AKR1C8: variants seen among roughly 807,000 people sequenced by gnomAD.
AKR1C8 encodes the protein aldo-keto reductase family 1 member C8.
At chr10:5,176,403 A>C in the AKR1C8 span, among the ~76,000 whole-genome samples, 1 of 145,010 alleles carries the variant, frequency 6.9e-6, no homozygotes, top group East Asian at 1.9e-4. Flanking sequence ...GTTTGAAGTC[A>C]GGTAGTGTGA....
At chr10:5,176,839 A>G in the AKR1C8 span, among the ~76,000 whole-genome samples, 1 of 152,136 alleles carries the variant, frequency 6.6e-6, no homozygotes, top group Non-Finnish European at 1.5e-5. Context: ...GTATCCTGAG[A>G]CTTTGCTGAA....
chr10:5,119,214 A>G, the AKR1C8 span, among the ~76,000 whole-genome samples: 23 of 152,354 alleles, frequency 1.5e-4, no homozygotes, highest in Admixed American at 1.3e-3. Flanking sequence ...AGATGAATAA[A>G]TGAATGAATG....
the AKR1C8 span, among the ~76,000 whole-genome samples, chr10:5,169,988 C>T: frequency 1.6e-4 from 24 of 151,868 alleles, no homozygotes; most frequent in Non-Finnish European, 1.5e-4. Flanking sequence ...GGTTTTGACT[C>T]GAGTGTGATG....
At chr10:5,141,701 A>G in the AKR1C8 span, among the ~76,000 whole-genome samples, 1 of 152,172 alleles carries the variant, frequency 6.6e-6, no homozygotes, top group Non-Finnish European at 1.5e-5. Flanking sequence ...TTGCCATTCA[A>G]CAGTAATATT....
At chr10:5,164,726 C>A in the AKR1C8 span, among the ~76,000 whole-genome samples, 1 of 152,034 alleles carries the variant, frequency 6.6e-6, no homozygotes, top group Admixed American at 6.6e-5. Flanking sequence ...AGTTTTCTTT[C>A]ATGGAAGACC....
chr10:5,146,478 A>G, the AKR1C8 span, among the ~76,000 whole-genome samples: 4 of 152,148 alleles, frequency 2.6e-5, no homozygotes, highest in African/African-American at 9.7e-5. Context: ...ATGACCTAAG[A>G]GCTTCTAGAT....
At chr10:5,161,054 T>C in the AKR1C8 span, among the ~76,000 whole-genome samples, 220 of 152,260 alleles carry the variant, frequency 1.4e-3, no homozygotes, top group Middle Eastern at 0.017. Context: ...TGCATGTGTG[T>C]ATATATATGT....
the AKR1C8 span, among the ~76,000 whole-genome samples, chr10:5,125,535 C>A: frequency 3.6e-4 from 55 of 152,194 alleles, 1 homozygote; most frequent in South Asian, 0.011. Flanking sequence ...GGAAACCAAC[C>A]AACACAGTTC....
At chr10:5,181,560 A>G in the AKR1C8 span, among the ~76,000 whole-genome samples, 1 of 152,184 alleles carries the variant, frequency 6.6e-6, no homozygotes, top group Non-Finnish European at 1.5e-5. Context: ...AACAACCCCA[A>G]AAAAGTGAAC....
the AKR1C8 span, among the ~76,000 whole-genome samples, chr10:5,148,373 A>T: frequency 6.6e-6 from 1 of 152,298 alleles, no homozygotes; most frequent in South Asian, 2.1e-4. Flanking sequence ...ATTGTAAACC[A>T]AAAAGTAACC....
the AKR1C8 span, among the ~76,000 whole-genome samples, chr10:5,156,554 A>ATCTATCTT: frequency 6.6e-6 from 1 of 151,754 alleles, no homozygotes; most frequent in Non-Finnish European, 1.5e-5. Context: ...CTATCTATCT[A>ATCTATCTT]ATGTATTTAT....
At chr10:5,177,783 T>A in the AKR1C8 span, among the ~76,000 whole-genome samples, 1 of 152,198 alleles carries the variant, frequency 6.6e-6, no homozygotes. Context: ...GTTTGTAGTA[T>A]TCTCTGATGG....
At chr10:5,165,053 C>A in the AKR1C8 span, among the ~76,000 whole-genome samples, 1 of 152,054 alleles carries the variant, frequency 6.6e-6, no homozygotes, top group Non-Finnish European at 1.5e-5. Flanking sequence ...TTGTGATTCC[C>A]TAGAAACAAG....
the AKR1C8 span, among the ~76,000 whole-genome samples, chr10:5,146,941 T>A: frequency 6.6e-6 from 1 of 152,166 alleles, no homozygotes; most frequent in Admixed American, 6.5e-5. Context: ...TTAGATACTG[T>A]CTTAGTACAT....
the AKR1C8 span, among the ~76,000 whole-genome samples, chr10:5,167,863 T>C: frequency 1.4e-4 from 21 of 152,224 alleles, 1 homozygote; most frequent in East Asian, 2.5e-3. Context: ...AGCTAGACCT[T>C]CTTTCAGTTA....
At chr10:5,160,630 A>G in the AKR1C8 span, among the ~76,000 whole-genome samples, 1 of 152,176 alleles carries the variant, frequency 6.6e-6, no homozygotes, top group Non-Finnish European at 1.5e-5. Flanking sequence ...TACAATTAAA[A>G]TGAACTGTAG....
At chr10:5,130,001 T>C in the AKR1C8 span, among the ~76,000 whole-genome samples, 12 of 151,796 alleles carry the variant, frequency 7.9e-5, no homozygotes, top group African/African-American at 2.9e-4. Flanking sequence ...CTGGTGAACA[T>C]AGATTAAAAA....
At chr10:5,133,349 G>A in the AKR1C8 span, among the ~76,000 whole-genome samples, 115 of 152,158 alleles carry the variant, frequency 7.6e-4, no homozygotes, top group African/African-American at 2.6e-3. Flanking sequence ...TGCCTCTGCC[G>A]CCCAAAATGC....
At chr10:5,126,450 G>A in the AKR1C8 span, among the ~76,000 whole-genome samples, 2 of 152,122 alleles carry the variant, frequency 1.3e-5, no homozygotes, top group South Asian at 4.2e-4. Flanking sequence ...ACCTGGTATG[G>A]GAGCTGAGGT....
Sources: allele counts gnomAD v4.1 joint callset (sites outside exome capture counted in the v4.1 genomes callset), GRCh38; gene constraint gnomAD v4.1.1; transcripts MANE v1.5; gene names NCBI Gene and HGNC (gene_info 2026-07-23, HGNC 2026-07-21).